ADAMTS17: variants seen among roughly 807,000 people sequenced by gnomAD.
ADAMTS17 encodes the protein A disintegrin and metalloproteinase with thrombospondin motifs 17.
In ADAMTS17, 113 loss-of-function variants were observed where a neutral mutation model predicts 141.5. That is an observed-to-expected ratio of 0.80 (90% CI 0.69 to 0.93). The LOEUF (loss-of-function observed/expected upper bound fraction) is 0.93. Ranked by LOEUF, ADAMTS17 falls within the 40% of genes least tolerant of loss-of-function variation. The probability of loss-of-function intolerance (pLI) is 0.00; values close to 1 mark genes in which losing one functional copy is unlikely to be tolerated. For synonymous variants in ADAMTS17, 768 were observed against 630.6 expected (o/e 1.22, Z -3.27); for missense variants, 1,659 against 1,517.9 (o/e 1.09, Z -1.54).
intron 14 of ADAMTS17, among the ~76,000 whole-genome samples, chr15:100,108,465 C>T (rs553780691): frequency 1.5e-3 from 233 of 152,324 alleles, no homozygotes; most frequent in Non-Finnish European, 2.6e-3. Flanking sequence ...TGAGCCACCG[C>T]ACCCGGCCTC....
At chr15:100,269,047 C>A (rs1596402761) in intron 4 of ADAMTS17, among the ~76,000 whole-genome samples, 1 of 152,252 alleles carries the variant, frequency 6.6e-6, no homozygotes, top group African/African-American at 2.4e-5. Flanking sequence ...ACTCCCCACT[C>A]AATAAATGGT....
intron 15 of ADAMTS17, among the ~76,000 whole-genome samples, chr15:100,084,348 C>T (rs1268342157): frequency 6.6e-6 from 1 of 152,236 alleles, no homozygotes; most frequent in Non-Finnish European, 1.5e-5. Flanking sequence ...CGCCGGGAAG[C>T]TCGAACTGGG....
chr15:100,146,258 C>A (rs1567251493), intron 10 of ADAMTS17, among the ~76,000 whole-genome samples: 1 of 152,314 alleles, frequency 6.6e-6, no homozygotes, highest in East Asian at 1.9e-4. Context: ...AAGTCAGGGA[C>A]CCCAAATGGA....
intron 10 of ADAMTS17, among the ~76,000 whole-genome samples, chr15:100,140,034 C>CA (rs1292727204): frequency 6.6e-6 from 1 of 152,092 alleles, no homozygotes; most frequent in Non-Finnish European, 1.5e-5. Flanking sequence ...CTCACTCTGT[C>CA]ACCCAGGCTG....
chr15:100,176,273 G>A (rs938757363), intron 8 of ADAMTS17, among the ~76,000 whole-genome samples: 2 of 152,182 alleles, frequency 1.3e-5, no homozygotes, highest in African/African-American at 4.8e-5. Flanking sequence ...TATCAGTGCT[G>A]CTTTAACGAG....
At chr15:99,992,994 C>A in intron 20 of ADAMTS17, 54 bp downstream of exon 20, 1 of 1,611,052 alleles carries the variant, frequency 6.2e-7, no homozygotes, top group South Asian at 1.1e-5. Context: ...AGTTCCCGAC[C>A]CTCGAGCCCC....
At chr15:100,116,745 G>C in intron 13 of ADAMTS17, 102 bp downstream of exon 13, 1 of 1,530,456 alleles carries the variant, frequency 6.5e-7, no homozygotes, top group Non-Finnish European at 9.0e-7. Flanking sequence ...GTCTTGCTGG[G>C]TTGGTTTGGG....
At chr15:100,113,367 G>A (rs1033093460) in intron 13 of ADAMTS17, among the ~76,000 whole-genome samples, 6 of 152,202 alleles carry the variant, frequency 3.9e-5, no homozygotes, top group African/African-American at 1.4e-4. Flanking sequence ...CTGGACTGAT[G>A]TGAGCTCTAG....
At position 100,199,491 on chromosome 15, in the gene ADAMTS17, G is replaced by T. The variant is rs567816013; in HGVS notation, c.1076-68C>A. The T allele has an allele frequency of 1.2e-5, 16 of 1,333,178 alleles. No individual in the cohort carries two copies. The East Asian group carries it at 2.3e-4, about 19-fold the overall frequency. 82.6% of individuals were successfully genotyped at this position (1,333,178 alleles called of 1,614,324 possible). On this transcript the variant is annotated intron_variant, in intron 7 of 21. Transcript: ENST00000268070. ...GGCCCTGGTCTCACCGGGCAAGTCC[G>T]CACGGTCAACGTCATGCACAATCAA...
At chr15:100,267,842 C>T (rs897858814) in intron 4 of ADAMTS17, among the ~76,000 whole-genome samples, 4 of 152,182 alleles carry the variant, frequency 2.6e-5, no homozygotes, top group African/African-American at 9.7e-5. Context: ...AAACAGAGTA[C>T]CTATCACCTT....
chr15:100,130,197 C>G (rs1355498838), intron 12 of ADAMTS17, among the ~76,000 whole-genome samples: 4 of 152,004 alleles, frequency 2.6e-5, no homozygotes, highest in Admixed American at 2.6e-4. Flanking sequence ...AACCCCATCT[C>G]TACTAAAAAT....
At chr15:100,187,006 T>C (rs2035351) in intron 8 of ADAMTS17, among the ~76,000 whole-genome samples, 18,402 of 152,226 alleles carry the variant, frequency 0.12, 1,401 homozygotes, top group East Asian at 0.29. Context: ...ATCAATGTGG[T>C]CTGCCACTCC....
intron 8 of ADAMTS17, among the ~76,000 whole-genome samples, chr15:100,162,335 C>T (rs960032090): frequency 6.0e-5 from 9 of 149,056 alleles, no homozygotes; most frequent in African/African-American, 9.8e-5. Flanking sequence ...TAGGTATATA[C>T]CTGTCCTATA....
chr15:100,086,018 G>A (rs1596382589), intron 15 of ADAMTS17, among the ~76,000 whole-genome samples: 1 of 150,754 alleles, frequency 6.6e-6, no homozygotes, highest in South Asian at 2.1e-4. Flanking sequence ...AATGTAAATG[G>A]GCTAAATGCT....
chr15:100,162,109 T>C (rs1256442498), intron 8 of ADAMTS17, among the ~76,000 whole-genome samples: 2 of 152,152 alleles, frequency 1.3e-5, no homozygotes, highest in Non-Finnish European at 2.9e-5. Context: ...TGTATTTTTC[T>C]AGAATAGACA....
chr15:100,236,891 C>T (rs992485162), intron 7 of ADAMTS17, among the ~76,000 whole-genome samples: 3 of 152,134 alleles, frequency 2.0e-5, no homozygotes, highest in African/African-American at 7.2e-5. Flanking sequence ...CTCTCCTCTG[C>T]CCCCAAAACA....
chr15:100,258,872 A>C (rs1255813769), intron 6 of ADAMTS17, among the ~76,000 whole-genome samples: 1 of 152,238 alleles, frequency 6.6e-6, no homozygotes, highest in African/African-American at 2.4e-5. Flanking sequence ...AGGGTGCGTC[A>C]TGACTGCTGA....
At chr15:100,302,118 C>T (rs922469870) in intron 3 of ADAMTS17, among the ~76,000 whole-genome samples, 2 of 152,200 alleles carry the variant, frequency 1.3e-5, no homozygotes, top group African/African-American at 4.8e-5. Context: ...ATTAATCTTT[C>T]TGTCTCCAGA....
intron 20 of ADAMTS17, among the ~76,000 whole-genome samples, chr15:99,983,204 C>T (rs140949916): frequency 2.4e-4 from 36 of 152,230 alleles, no homozygotes; most frequent in African/African-American, 7.9e-4. Context: ...CTGCTGTGTA[C>T]GGGGGACCGG....
Sources: gnomAD v4.1 joint callset for allele counts (sites outside exome capture counted in the v4.1 genomes callset) on GRCh38, gnomAD v4.1.1 for gene constraint, MANE v1.5 for transcripts, NCBI Gene and HGNC (gene_info 2026-07-23, HGNC 2026-07-21) for gene names.